The following MGMT variants were observed in gnomAD, a reference collection of about 807,000 sequenced individuals.
The protein encoded by MGMT is methylated-DNA--protein-cysteine methyltransferase.
MGMT carries 14 observed loss-of-function variants against 15.9 expected under a neutral mutation model. The ratio of observed to expected loss-of-function variants is 0.88; its 90% CI spans 0.58 to 1.37. The LOEUF (loss-of-function observed/expected upper bound fraction) is 1.37. Among genes scored for constraint, MGMT ranks in the 40% most tolerant of loss-of-function variants. The pLI is 0.00. For synonymous variants in MGMT, 130 were observed against 118.2 expected (o/e 1.10, Z -0.65); for missense variants, 282 against 268.1 (o/e 1.05, Z -0.36).
intron 2 of MGMT, among the ~76,000 whole-genome samples, chr10:129,610,658 T>A (rs1846949293): frequency 6.6e-6 from 1 of 152,232 alleles, no homozygotes; most frequent in African/African-American, 2.4e-5. Context: ...GGAACACACT[T>A]ATAAAGACTT....
At chr10:129,525,785 C>A (rs567735767) in intron 1 of MGMT, among the ~76,000 whole-genome samples, 13 of 152,272 alleles carry the variant, frequency 8.5e-5, no homozygotes, top group Non-Finnish European at 1.8e-4. Context: ...TTATGTAATT[C>A]TAATGCAGAA....
chr10:129,487,587 A>G (rs1050461027), intron 1 of MGMT, among the ~76,000 whole-genome samples: 1 of 151,686 alleles, frequency 6.6e-6, no homozygotes, highest in South Asian at 2.1e-4. Context: ...AAAAAATTGT[A>G]TATATATATG....
chr10:129,544,099 G>A (rs1008840357), intron 2 of MGMT, among the ~76,000 whole-genome samples: 2 of 152,070 alleles, frequency 1.3e-5, no homozygotes, highest in Non-Finnish European at 2.9e-5. Flanking sequence ...ACCTCTGTTC[G>A]GCTCTGTTTG....
At chr10:129,716,375 G>T (rs1848297774) in intron 3 of MGMT, among the ~76,000 whole-genome samples, 1 of 152,170 alleles carries the variant, frequency 6.6e-6, no homozygotes, top group Admixed American at 6.5e-5. Flanking sequence ...CACATATTGT[G>T]TAAGAAAGGG....
chr10:129,710,807 G>A (rs1050650211), intron 3 of MGMT, among the ~76,000 whole-genome samples: 5 of 152,188 alleles, frequency 3.3e-5, no homozygotes, highest in Non-Finnish European at 7.3e-5. Context: ...AACCTGCTTT[G>A]CAGACTGAGA....
intron 2 of MGMT, among the ~76,000 whole-genome samples, chr10:129,551,762 A>G (rs1846159697): frequency 6.6e-6 from 1 of 152,192 alleles, no homozygotes; most frequent in African/African-American, 2.4e-5. Flanking sequence ...AACCAGCACC[A>G]GAAACTCTTC....
At chr10:129,583,385 G>A (rs1024352895) in intron 2 of MGMT, among the ~76,000 whole-genome samples, 1 of 152,214 alleles carries the variant, frequency 6.6e-6, no homozygotes, top group African/African-American at 2.4e-5. Flanking sequence ...AGGAATGAGT[G>A]AGGCTAATTA....
At chr10:129,491,001 T>A (rs1223223322) in intron 1 of MGMT, among the ~76,000 whole-genome samples, 1 of 152,156 alleles carries the variant, frequency 6.6e-6, no homozygotes, top group Non-Finnish European at 1.5e-5. Flanking sequence ...GCTGTTGTAT[T>A]TTAATTATAT....
intron 1 of MGMT, among the ~76,000 whole-genome samples, chr10:129,499,213 T>C (rs964052322): frequency 1.3e-5 from 2 of 152,206 alleles, no homozygotes; most frequent in Non-Finnish European, 2.9e-5. Flanking sequence ...TTCCTATGCT[T>C]GCTTGGTGGA....
chr10:129,639,319 C>T (rs1289179174), intron 2 of MGMT, among the ~76,000 whole-genome samples: 1 of 152,042 alleles, frequency 6.6e-6, no homozygotes, highest in Non-Finnish European at 1.5e-5. Context: ...TTCAGTTCAC[C>T]AAAAAGACCT....
intron 2 of MGMT, 127 bp downstream of exon 2, chr10:129,536,504 C>A (rs41544714): frequency 1.7e-6 from 2 of 1,189,826 alleles, no homozygotes; most frequent in Non-Finnish European, 2.3e-6. Flanking sequence ...ACCGCAACCA[C>A]GAGTCCGTCT....
intron 2 of MGMT, among the ~76,000 whole-genome samples, chr10:129,593,952 CTT>C (rs1382214305): frequency 2.0e-5 from 3 of 152,214 alleles, no homozygotes; most frequent in Admixed American, 6.5e-5. Context: ...TGAGCCTCGA[CTT>C]TGCTCTGCCC....
chr10:129,740,330 G>A (rs1419486382), intron 3 of MGMT, among the ~76,000 whole-genome samples: 3 of 152,158 alleles, frequency 2.0e-5, no homozygotes, highest in Non-Finnish European at 2.9e-5. Flanking sequence ...AAGCCTGAGA[G>A]AGGCCATCTG....
At chr10:129,564,226 T>TC (rs1846316158) in intron 2 of MGMT, 1 of 57,160 alleles carries the variant, frequency 1.7e-5, no homozygotes, top group African/African-American at 7.3e-5. Context: ...TCCTTCCCCC[T>TC]TCCCCCTCCT....
intron 2 of MGMT, among the ~76,000 whole-genome samples, chr10:129,646,912 TG>T (rs1415751951): frequency 6.6e-6 from 1 of 151,032 alleles, no homozygotes; most frequent in East Asian, 1.9e-4. Context: ...AGTGTGGGCA[TG>T]GCCGCCCCTC....
At chr10:129,469,207 C>G (rs1315893530) in intron 1 of MGMT, among the ~76,000 whole-genome samples, 1 of 152,160 alleles carries the variant, frequency 6.6e-6, no homozygotes, top group African/African-American at 2.4e-5. Flanking sequence ...GTTTGTTCCT[C>G]TCCAGTCCTC....
chr10:129,563,204 A>G (rs1366687943), intron 2 of MGMT, among the ~76,000 whole-genome samples: 1 of 152,190 alleles, frequency 6.6e-6, no homozygotes, highest in East Asian at 1.9e-4. Context: ...GCCCCATCAT[A>G]AGTCGAGGCA....
At chr10:129,743,254 T>G (rs1848658675) in intron 3 of MGMT, among the ~76,000 whole-genome samples, 1 of 152,190 alleles carries the variant, frequency 6.6e-6, no homozygotes, top group South Asian at 2.1e-4. Flanking sequence ...CTCAGGAGGG[T>G]TCCACTGGTG....
intron 2 of MGMT, among the ~76,000 whole-genome samples, chr10:129,699,836 T>C (rs573948097): frequency 1.3e-5 from 2 of 152,290 alleles, no homozygotes; most frequent in Admixed American, 1.3e-4. Context: ...CCCTGTCTTA[T>C]ATGATGTCCT....
Sources: allele counts gnomAD v4.1 joint callset (sites outside exome capture counted in the v4.1 genomes callset), GRCh38; gene constraint gnomAD v4.1.1; transcripts MANE v1.5; gene names NCBI Gene and HGNC (gene_info 2026-07-23, HGNC 2026-07-21).